Variants in FGF14 observed in about 807,000 individuals in gnomAD.
FGF14 encodes fibroblast growth factor 14, also known as fibroblast growth factor homologous factor 4.
In FGF14, 5 loss-of-function variants were observed where a neutral mutation model predicts 25.5. That is an observed-to-expected ratio of 0.20 (90% confidence interval 0.10 to 0.41). FGF14 has a LOEUF of 0.41. Among genes scored for constraint, FGF14 ranks in the 10% least tolerant of loss-of-function variants. The probability of loss-of-function intolerance (pLI) is 1.00; values close to 1 mark genes in which losing one functional copy is unlikely to be tolerated. For missense variants in FGF14, 222 were observed against 320.1 expected (o/e 0.69, Z 2.34); for synonymous variants, 138 against 118.3 (o/e 1.17, Z -1.08).
chr13:102,099,161 A>G (rs543018355), intron 1 of FGF14, among the ~76,000 whole-genome samples: 2 of 152,230 alleles, frequency 1.3e-5, no homozygotes, highest in South Asian at 4.1e-4. Context: ...TTGACCATAC[A>G]CCATATTTAT....
chr13:102,076,125 G>C (rs2043351736), intron 1 of FGF14, among the ~76,000 whole-genome samples: 1 of 152,106 alleles, frequency 6.6e-6, no homozygotes, highest in South Asian at 2.1e-4. Context: ...CAACCTATGT[G>C]TACAGTGATT....
chr13:102,321,143 G>A (rs4143611), intron 1 of FGF14, among the ~76,000 whole-genome samples: 81,495 of 151,748 alleles, frequency 0.54, 22,116 homozygotes, highest in Middle Eastern at 0.61. Context: ...ACTGCCAAAT[G>A]TCTATATATC....
At chr13:101,852,577 T>A (rs1351978917) in intron 3 of FGF14, among the ~76,000 whole-genome samples, 1 of 142,918 alleles carries the variant, frequency 7.0e-6, no homozygotes, top group Admixed American at 6.9e-5. Context: ...TAAGTGCTTT[T>A]AAATACATCC....
intron 1 of FGF14, among the ~76,000 whole-genome samples, chr13:102,181,301 A>G (rs1409536500): frequency 6.6e-6 from 1 of 152,172 alleles, no homozygotes; most frequent in African/African-American, 2.4e-5. Flanking sequence ...CTGACATGGT[A>G]AAAGGAATTC....
intron 1 of FGF14, among the ~76,000 whole-genome samples, chr13:102,228,974 T>C (rs1295425429): frequency 6.6e-6 from 1 of 152,200 alleles, no homozygotes; most frequent in Non-Finnish European, 1.5e-5. Context: ...CCTCCTAACA[T>C]CATTTTATTT....
At chr13:102,268,341 A>T (rs1462923597) in intron 1 of FGF14, among the ~76,000 whole-genome samples, 1 of 152,202 alleles carries the variant, frequency 6.6e-6, no homozygotes, top group Non-Finnish European at 1.5e-5. Flanking sequence ...AAAAAACAAT[A>T]AGGAAGATCT....
At chr13:101,822,886 C>CTGGT (rs1209332960) in intron 3 of FGF14, among the ~76,000 whole-genome samples, 40 of 152,212 alleles carry the variant, frequency 2.6e-4, no homozygotes, top group Admixed American at 7.2e-4. Context: ...CTTCTGTCCA[C>CTGGT]AACTATCTTT....
At chr13:102,075,917 GA>G (rs568381425) in intron 1 of FGF14, among the ~76,000 whole-genome samples, 401 of 152,070 alleles carry the variant, frequency 2.6e-3, no homozygotes, top group Non-Finnish European at 3.8e-3. Flanking sequence ...ATAAATTCTA[GA>G]AAAAACCTTA....
chr13:102,179,230 A>C (rs1273411459), intron 1 of FGF14, among the ~76,000 whole-genome samples: 1 of 152,092 alleles, frequency 6.6e-6, no homozygotes, highest in Non-Finnish European at 1.5e-5. Context: ...TTTCCCAAGA[A>C]TCATGGCTAT....
intron 1 of FGF14, among the ~76,000 whole-genome samples, chr13:102,227,468 C>G (rs1036859687): frequency 6.6e-6 from 1 of 152,102 alleles, no homozygotes; most frequent in Admixed American, 6.6e-5. Flanking sequence ...TGAGAGCAGA[C>G]ACAAAATTGT....
At chr13:101,912,406 T>C (rs936947829) in intron 1 of FGF14, among the ~76,000 whole-genome samples, 4 of 152,142 alleles carry the variant, frequency 2.6e-5, no homozygotes, top group Admixed American at 6.6e-5. Context: ...AGAAAGGTTA[T>C]TATCCTGTGA....
intron 1 of FGF14, among the ~76,000 whole-genome samples, chr13:102,285,951 A>G (rs2054075273): frequency 6.6e-6 from 1 of 152,158 alleles, no homozygotes; most frequent in South Asian, 2.1e-4. Flanking sequence ...AGGAGGGGGT[A>G]CCCCTCATGG....
chr13:102,128,016 C>T (rs1385191715), intron 1 of FGF14, among the ~76,000 whole-genome samples: 1 of 152,098 alleles, frequency 6.6e-6, no homozygotes, highest in African/African-American at 2.4e-5. Context: ...AAGAGAACAC[C>T]TTTCTGAACA....
At chr13:101,792,285 A>C (rs2040282604) in intron 3 of FGF14, among the ~76,000 whole-genome samples, 1 of 152,134 alleles carries the variant, frequency 6.6e-6, no homozygotes, top group African/African-American at 2.4e-5. Flanking sequence ...GTCCACACCC[A>C]AACACCACCA....
intron 1 of FGF14, among the ~76,000 whole-genome samples, chr13:101,946,633 T>C (rs1413221929): frequency 1.3e-5 from 2 of 152,200 alleles, no homozygotes; most frequent in Non-Finnish European, 2.9e-5. Context: ...GTAAAATGAC[T>C]ACAGCAACTT....
At chr13:102,223,231 G>A (rs1216307895) in intron 1 of FGF14, among the ~76,000 whole-genome samples, 1 of 152,136 alleles carries the variant, frequency 6.6e-6, no homozygotes, top group Non-Finnish European at 1.5e-5. Context: ...TATGGCTGGT[G>A]ACTCTGAAGC....
intron 1 of FGF14, among the ~76,000 whole-genome samples, chr13:101,875,867 G>A (rs1422078830): frequency 6.6e-6 from 1 of 152,130 alleles, no homozygotes; most frequent in Admixed American, 6.6e-5. Context: ...TACTTCCATG[G>A]AAGTATCTGT....
intron 1 of FGF14, among the ~76,000 whole-genome samples, chr13:102,086,620 G>GA (rs2043920366): frequency 6.6e-6 from 1 of 152,092 alleles, no homozygotes; most frequent in Non-Finnish European, 1.5e-5. Context: ...AAATTTTTAT[G>GA]AAACAACAAA....
chr13:101,843,557 T>C (rs778484553), intron 3 of FGF14, among the ~76,000 whole-genome samples: 4 of 151,940 alleles, frequency 2.6e-5, no homozygotes, highest in Non-Finnish European at 5.9e-5. Context: ...ACTTTCAAAA[T>C]TGAAATATAT....
Sources: allele counts gnomAD v4.1 joint callset (sites outside exome capture counted in the v4.1 genomes callset), GRCh38; gene constraint gnomAD v4.1.1; transcripts MANE v1.5; gene names NCBI Gene and HGNC (gene_info 2026-07-23, HGNC 2026-07-21).